Variants in ZFYVE9 observed in about 807,000 individuals in gnomAD.
The protein encoded by ZFYVE9 is zinc finger FYVE-type containing 9, also known as zinc finger FYVE domain-containing protein 9.
A neutral mutation model predicts 126.7 loss-of-function variants in ZFYVE9; 43 were observed. That is an observed-to-expected ratio of 0.34 (90% CI 0.27 to 0.44). The LOEUF (loss-of-function observed/expected upper bound fraction) is 0.44, where lower values mean the gene tolerates loss of function less well. Among genes scored for constraint, ZFYVE9 ranks in the 20% least tolerant of loss-of-function variants. ZFYVE9 has a pLI of 1.00. For missense variants in ZFYVE9, 1,476 were observed against 1,697.0 expected (o/e 0.87, Z 2.29); for synonymous variants, 521 against 597.4 (o/e 0.87, Z 1.87).
chr1:52,303,025 G>A (rs1646050275), intron 12 of ZFYVE9, among the ~76,000 whole-genome samples: 2 of 152,022 alleles, frequency 1.3e-5, no homozygotes, highest in Non-Finnish European at 2.9e-5. Context: ...CATGAGACTC[G>A]CTTGAACCCT....
At chr1:52,315,164 C>T (rs948583503) in intron 13 of ZFYVE9, among the ~76,000 whole-genome samples, 4 of 152,196 alleles carry the variant, frequency 2.6e-5, no homozygotes, top group African/African-American at 9.7e-5. Context: ...TGCAGTGGCT[C>T]ATGCCTGTAA....
At chr1:52,182,236 C>T (rs605076) in intron 1 of ZFYVE9, among the ~76,000 whole-genome samples, 112,018 of 152,076 alleles carry the variant, frequency 0.74, 45,732 homozygotes, top group Non-Finnish European at 0.9. Flanking sequence ...GCCACCACCC[C>T]GTCTGGGAGG....
At chr1:52,341,464 T>C (rs1646436916) in intron 17 of ZFYVE9, among the ~76,000 whole-genome samples, 2 of 152,174 alleles carry the variant, frequency 1.3e-5, no homozygotes, top group African/African-American at 4.8e-5. Flanking sequence ...GTTTATTCTC[T>C]TCATCCCCAA....
Position 52,266,682 on chromosome 1 carries a change from C to T in ZFYVE9, c.2306C>T (p.Ala769Val), listed in dbSNP as rs1450083131. ...CAAGCCTGGGAGAACATGATGAGTG[C>T]CTCAAGCCAGAGCCCTAACCCTAAC... ...NAQAWENMMS[A>V]SSQSPNPNNP... The change falls in exon 6 of 19, where the codon GCC becomes GTC. Residue 769 changes from alanine to valine, a missense_variant. Physicochemically the swap from Ala to Val is moderately conservative, Grantham distance 64. Coordinates refer to ENST00000287727, the MANE Select transcript of ZFYVE9 (RefSeq NM_004799.4). The T allele has an allele frequency of 1.2e-6, 2 of 1,602,126 alleles. No homozygotes were observed. Among genetic ancestry groups the T allele is most frequent in the South Asian group, 2.3e-5 (2 of 88,806 alleles).
chr1:52,151,444 G>T (rs899710814), intron 1 of ZFYVE9, among the ~76,000 whole-genome samples: 8 of 151,532 alleles, frequency 5.3e-5, no homozygotes, highest in African/African-American at 1.9e-4. Flanking sequence ...ATATATCTCT[G>T]ACTAGAAAGT....
At chr1:52,265,662 C>G (rs752230345) in intron 5 of ZFYVE9, among the ~76,000 whole-genome samples, 1 of 152,082 alleles carries the variant, frequency 6.6e-6, no homozygotes, top group Non-Finnish European at 1.5e-5. Flanking sequence ...TCAAATAGGT[C>G]CTGTGCTTTT....
At chr1:52,235,869 A>T (rs558091851) in intron 3 of ZFYVE9, among the ~76,000 whole-genome samples, 5 of 152,112 alleles carry the variant, frequency 3.3e-5, no homozygotes, top group Non-Finnish European at 7.4e-5. Context: ...CTACTCCTAC[A>T]TAATAGTTTT....
chr1:52,293,310 C>T lies in ZFYVE9; in HGVS notation c.3026-143C>T, dbSNP rs1166978421. 9.9e-5 allele frequency: 61 copies of T among 617,864 alleles called. 3 individuals are homozygous for T. In the South Asian group the frequency reaches 1.2e-3, roughly 12 times the overall value. The allele number at this position is 617,864 out of a possible 1,614,324, so 38.3% of individuals were successfully genotyped here. ...AGGAGAATGGGGTGAACCTGGGAGG[C>T]GGAGCTTGCAGTGAGCCAAGATTGC... On this transcript the variant is annotated intron_variant, in intron 10 of 18. Transcript: ENST00000287727.
chr1:52,337,195 A>G (rs766464419), intron 15 of ZFYVE9, among the ~76,000 whole-genome samples: 1 of 152,198 alleles, frequency 6.6e-6, no homozygotes, highest in Non-Finnish European at 1.5e-5. Flanking sequence ...TTTACTGTCA[A>G]TTTCAGTGTT....
chr1:52,233,373 A>T, intron 3 of ZFYVE9, 97 bp downstream of exon 3: 1 of 725,380 alleles, frequency 1.4e-6, no homozygotes, highest in East Asian at 3.4e-5. Context: ...ATCAGGTCTG[A>T]TGACTTAATG....
At chr1:52,146,567 C>T (rs1347532877) in intron 1 of ZFYVE9, among the ~76,000 whole-genome samples, 2 of 151,940 alleles carry the variant, frequency 1.3e-5, no homozygotes, top group African/African-American at 4.8e-5. Context: ...AGTCACCTTA[C>T]AGGATTATTG....
At chr1:52,254,912 G>A (rs1645489086) in intron 4 of ZFYVE9, among the ~76,000 whole-genome samples, 1 of 151,878 alleles carries the variant, frequency 6.6e-6, no homozygotes, top group Non-Finnish European at 1.5e-5. Context: ...ACCAGCCTGG[G>A]CAACATAATA....
intron 13 of ZFYVE9, among the ~76,000 whole-genome samples, chr1:52,328,955 A>G (rs1027164735): frequency 1.3e-5 from 2 of 152,210 alleles, no homozygotes; most frequent in Admixed American, 6.5e-5. Flanking sequence ...AGAGATGATG[A>G]TGATGCCTTA....
chr1:52,172,358 A>G (rs1644581104), intron 1 of ZFYVE9, among the ~76,000 whole-genome samples: 1 of 152,176 alleles, frequency 6.6e-6, no homozygotes, highest in South Asian at 2.1e-4. Context: ...CCATTGATCT[A>G]TATCTCTATT....
At chr1:52,229,601 C>A (rs1645199286) in intron 2 of ZFYVE9, among the ~76,000 whole-genome samples, 1 of 152,164 alleles carries the variant, frequency 6.6e-6, no homozygotes, top group Admixed American at 6.5e-5. Context: ...TTCATTTATT[C>A]ATTCTGCAGT....
At chr1:52,255,972 C>CTTTTCTTTA (rs1226372335) in intron 4 of ZFYVE9, among the ~76,000 whole-genome samples, 2 of 87,058 alleles carry the variant, frequency 2.3e-5, no homozygotes. Flanking sequence ...TCTTTTCTTT[C>CTTTTCTTTA]TTTCTTTCTT....
At chr1:52,280,214 CA>C (rs747397812) in intron 9 of ZFYVE9, among the ~76,000 whole-genome samples, 361 of 82,048 alleles carry the variant, frequency 4.4e-3, no homozygotes, top group Middle Eastern at 8.1e-3. Flanking sequence ...TCATCCCTAC[CA>C]AAAAAAAAAA....
chr1:52,318,933 C>T (rs1207454085), intron 13 of ZFYVE9, among the ~76,000 whole-genome samples: 1 of 152,022 alleles, frequency 6.6e-6, no homozygotes, highest in Non-Finnish European at 1.5e-5. Context: ...CCTGTCTGTA[C>T]AAAAAATACA....
At chr1:52,215,284 C>A (rs1185816683) in intron 1 of ZFYVE9, among the ~76,000 whole-genome samples, 1 of 152,022 alleles carries the variant, frequency 6.6e-6, no homozygotes, top group Admixed American at 6.6e-5. Flanking sequence ...AAATCTGTTT[C>A]TTAGTGTCAG....
Sources: allele counts gnomAD v4.1 joint callset (sites outside exome capture counted in the v4.1 genomes callset), GRCh38; gene constraint gnomAD v4.1.1; transcripts MANE v1.5; gene names NCBI Gene and HGNC (gene_info 2026-07-23, HGNC 2026-07-21).